Variants in PLEKHA5 observed in about 807,000 individuals in gnomAD.
PLEKHA5 encodes the protein pleckstrin homology domain containing A5.
Under a neutral mutation model 181.9 loss-of-function variants are expected in PLEKHA5, and 55 were observed. The ratio of observed to expected loss-of-function variants is 0.30; its 90% CI spans 0.24 to 0.38. The LOEUF is 0.38. PLEKHA5 is among the 10% of genes least tolerant of loss of function. PLEKHA5 has a pLI of 1.00. For missense variants in PLEKHA5, 1,432 were observed against 1,549.5 expected, an observed-to-expected ratio of 0.92 and a Z score of 1.27; for synonymous variants, 535 against 529.4, an observed-to-expected ratio of 1.01 and a Z score of -0.15.
intron 3 of PLEKHA5, among the ~76,000 whole-genome samples, chr12:19,155,976 C>G (rs1475176808): frequency 6.6e-6 from 1 of 152,150 alleles, no homozygotes; most frequent in East Asian, 1.9e-4. Context: ...CAGGCAAACC[C>G]AGAAGTTCAG....
intron 11 of PLEKHA5, among the ~76,000 whole-genome samples, chr12:19,275,340 A>G (rs2074198589): frequency 6.6e-6 from 1 of 152,044 alleles, no homozygotes; most frequent in African/African-American, 2.4e-5. Context: ...ACTGTCCTCC[A>G]TTACCAGTTT....
At chr12:19,219,022 AAAAG>A (rs2058510489) in intron 3 of PLEKHA5, among the ~76,000 whole-genome samples, 1 of 151,732 alleles carries the variant, frequency 6.6e-6, no homozygotes, top group African/African-American at 2.4e-5. Context: ...TATTTATTGA[AAAAG>A]AAACTACAGT....
At chr12:19,293,122 C>G (rs1431138476) in intron 15 of PLEKHA5, among the ~76,000 whole-genome samples, 1 of 152,072 alleles carries the variant, frequency 6.6e-6, no homozygotes, top group Non-Finnish European at 1.5e-5. Context: ...CCAAACTTGA[C>G]TATTTTATCA....
chr12:19,296,748 G>A (rs543296105), intron 15 of PLEKHA5, among the ~76,000 whole-genome samples: 10 of 152,200 alleles, frequency 6.6e-5, no homozygotes, highest in South Asian at 2.1e-4. Flanking sequence ...GAAATTAGGC[G>A]TTTAGAAACT....
At chr12:19,325,949 G>A (rs904064727) in intron 20 of PLEKHA5, among the ~76,000 whole-genome samples, 5 of 152,034 alleles carry the variant, frequency 3.3e-5, no homozygotes, top group African/African-American at 9.7e-5. Context: ...TGAGGTTGCG[G>A]TAAGCCGAGA....
chr12:19,227,856 A>T (rs1484329779), intron 3 of PLEKHA5, among the ~76,000 whole-genome samples: 1 of 152,210 alleles, frequency 6.6e-6, no homozygotes, highest in African/African-American at 2.4e-5. Context: ...AAAAACCTTT[A>T]TAAGAGAACG....
At chr12:19,322,766 T>G in intron 20 of PLEKHA5, 99 bp downstream of exon 20, 2 of 705,886 alleles carry the variant, frequency 2.8e-6, no homozygotes, top group Non-Finnish European at 4.7e-6. Context: ...AGGATTCTTC[T>G]ATATTATTAT....
chr12:19,150,217 T>C (rs1178316163), intron 3 of PLEKHA5: 1 of 152,180 alleles, frequency 6.6e-6, no homozygotes, highest in Non-Finnish European at 1.5e-5. Context: ...TCCTGTAGAA[T>C]AGAGTTATTA....
intron 3 of PLEKHA5, among the ~76,000 whole-genome samples, chr12:19,239,420 C>T (rs1209254067): frequency 6.6e-6 from 1 of 152,100 alleles, no homozygotes; most frequent in African/African-American, 2.4e-5. Context: ...ACTTACCCTG[C>T]TATTCTGGAT....
At chr12:19,132,773 CT>C (rs59992820) in intron 3 of PLEKHA5, among the ~76,000 whole-genome samples, 6,327 of 112,034 alleles carry the variant, frequency 0.056, 238 homozygotes, top group East Asian at 0.2. Flanking sequence ...CCACAATTAC[CT>C]TTTTTTTTTT....
intron 3 of PLEKHA5, among the ~76,000 whole-genome samples, chr12:19,249,360 A>G (rs1368591046): frequency 1.3e-5 from 2 of 152,200 alleles, no homozygotes; most frequent in South Asian, 2.1e-4. Flanking sequence ...CTACTAAGTA[A>G]CTAACGGGGC....
At chr12:19,307,898 GTC>G (rs759604621) in intron 15 of PLEKHA5, among the ~76,000 whole-genome samples, 10 of 151,700 alleles carry the variant, frequency 6.6e-5, no homozygotes, top group African/African-American at 1.9e-4. Flanking sequence ...AAAGAAAATT[GTC>G]TCTCTCACCA....
intron 3 of PLEKHA5, among the ~76,000 whole-genome samples, chr12:19,230,250 A>T (rs951714332): frequency 6.6e-6 from 1 of 152,216 alleles, no homozygotes; most frequent in African/African-American, 2.4e-5. Flanking sequence ...TTAGGTAGAC[A>T]TAGAGGTTCT....
At chr12:19,208,994 C>G (rs1216244325) in intron 3 of PLEKHA5, among the ~76,000 whole-genome samples, 1 of 152,016 alleles carries the variant, frequency 6.6e-6, no homozygotes, top group Non-Finnish European at 1.5e-5. Context: ...GAGGGGACTT[C>G]AAAAATTCAT....
rs1027504579 is a variant in PLEKHA5, at chr12:19,358,467, G to A, written c.3348+30G>A. On this transcript the variant is annotated intron_variant, in intron 27 of 31. Coordinates refer to ENST00000429027, the MANE Select transcript of PLEKHA5 (RefSeq NM_001256470.2). ...ATGAATTGCATTTGATTATTATTTT[G>A]TGTAAATCTAGTATCACTGAATTTT... 3 of 1,457,292 alleles carry A rather than the reference G, an allele frequency of 2.1e-6. No homozygotes were observed. In the Admixed American group the frequency reaches 5.1e-5, roughly 25 times the overall value. The allele number at this position is 1,457,292 out of a possible 1,614,324, so 90.3% of individuals were successfully genotyped here.
intron 12 of PLEKHA5, among the ~76,000 whole-genome samples, chr12:19,284,509 A>G (rs895467882): frequency 4.8e-4 from 73 of 152,344 alleles, no homozygotes; most frequent in African/African-American, 1.8e-3. Context: ...CTAACCAATG[A>G]ATATATGGCA....
chr12:19,269,513 T>C (rs935694475), intron 8 of PLEKHA5, among the ~76,000 whole-genome samples: 4 of 151,842 alleles, frequency 2.6e-5, no homozygotes, highest in African/African-American at 9.7e-5. Flanking sequence ...GCACTCTTTT[T>C]TTTTTTTATT....
chr12:19,293,037 G>A (rs553816032), intron 15 of PLEKHA5, among the ~76,000 whole-genome samples: 1 of 152,176 alleles, frequency 6.6e-6, no homozygotes, highest in South Asian at 2.1e-4. Flanking sequence ...TTTGTTATTA[G>A]ACATAATTTC....
At chr12:19,135,585 G>A (rs1376446122) in intron 3 of PLEKHA5, among the ~76,000 whole-genome samples, 1 of 152,110 alleles carries the variant, frequency 6.6e-6, no homozygotes, top group African/African-American at 2.4e-5. Context: ...TAAGTATGAT[G>A]TATGTAGTGC....
Sources: allele counts gnomAD v4.1 joint callset (sites outside exome capture counted in the v4.1 genomes callset), GRCh38; gene constraint gnomAD v4.1.1; transcripts MANE v1.5; gene names NCBI Gene and HGNC (gene_info 2026-07-23, HGNC 2026-07-21).